The following LRP2 variants were observed in gnomAD, a reference collection of about 807,000 sequenced individuals.
The protein encoded by LRP2 is low-density lipoprotein receptor-related protein 2.
Under a neutral mutation model 531.0 loss-of-function variants are expected in LRP2, and 172 were observed. The observed-to-expected ratio is 0.32, with a 90% confidence interval of 0.29 to 0.37. LRP2 has a LOEUF of 0.37. LRP2 is among the 10% of genes least tolerant of loss of function. LRP2 has a pLI of 1.00. For synonymous variants in LRP2, 1,992 were observed against 2,027.6 expected, an observed-to-expected ratio of 0.98 and a Z score of 0.47; for missense variants, 5,167 against 5,868.3, an observed-to-expected ratio of 0.88 and a Z score of 3.90.
intron 18 of LRP2, 71 bp from the exon 19 acceptor site, chr2:169,256,307 CA>C: frequency 1.6e-6 from 2 of 1,279,638 alleles, no homozygotes; most frequent in Non-Finnish European, 2.3e-6. Flanking sequence ...AAAGGGCATC[CA>C]AAAACAGTAG....
chr2:169,328,091 G>A (rs1405707103), intron 1 of LRP2, among the ~76,000 whole-genome samples: 6 of 141,554 alleles, frequency 4.2e-5, no homozygotes, highest in African/African-American at 1.1e-4. Context: ...CCAGCCAGCC[G>A]CCCTGTCCAG....
At chr2:169,294,302 T>C (rs1684079827) in intron 5 of LRP2, 41 bp from the exon 6 acceptor site, 1 of 1,180,566 alleles carries the variant, frequency 8.5e-7, no homozygotes, top group Admixed American at 1.7e-5. Context: ...AGAGAGAAGT[T>C]AACTCCATTG....
rs1196042206 is a variant in LRP2, at chr2:169,247,432, T to A, written c.2854A>T (p.Ser952Cys). The change falls in exon 20 of 79, where the codon AGT (serine) becomes TGT (cysteine). Residue 952 changes from serine (S) to cysteine (C), a missense_variant. By Grantham distance (112) the Ser-to-Cys change is moderately radical. Around this residue, in one of 6 missense-constraint regions of LRP2, gnomAD observed 2,811 missense variants for 3,058.0 expected, o/e 0.92. Transcript: ENST00000649046. ...ADGGEMTVIR[S>C]GIAYILHLKS... ...AAATGCAGTATGTAAGCAATGCCAC[T>A]TCGGATAACTGTCATTTCTCCACCA... 2 of 1,614,148 alleles carry A rather than the reference T, an allele frequency of 1.2e-6. No individual in the cohort carries two copies. Among genetic ancestry groups the A allele is most frequent in the Non-Finnish European group, 1.7e-6 (2 of 1,179,996 alleles).
intron 63 of LRP2, 98 bp downstream of exon 63, chr2:169,162,374 G>A (rs1686620324): frequency 7.9e-6 from 11 of 1,388,516 alleles, no homozygotes; most frequent in Non-Finnish European, 1.0e-5. Context: ...AGTACATTAA[G>A]GAGAAAATGT....
chr2:169,315,959 C>CCAAAAAA (rs1553513420), intron 3 of LRP2, among the ~76,000 whole-genome samples: 2 of 73,748 alleles, frequency 2.7e-5, no homozygotes, highest in East Asian at 3.7e-4. Context: ...CCCATCTCTA[C>CCAAAAAA]AAAAAAAAAA....
chr2:169,308,619 T>C (rs747002477), intron 3 of LRP2, among the ~76,000 whole-genome samples: 11 of 152,190 alleles, frequency 7.2e-5, no homozygotes, highest in Non-Finnish European at 1.2e-4. Context: ...ATCCAGTGTA[T>C]CATTGATGGA....
At chr2:169,153,050 C>T (rs1476740672) in intron 66 of LRP2, 86 bp from the exon 67 acceptor site, 27 of 1,185,476 alleles carry the variant, frequency 2.3e-5, no homozygotes, top group African/African-American at 9.0e-5. Context: ...AAGTACTGTT[C>T]GTTTATTGAC....
chr2:169,304,320 G>A (rs549828272), intron 4 of LRP2, among the ~76,000 whole-genome samples: 1 of 152,140 alleles, frequency 6.6e-6, no homozygotes, highest in South Asian at 2.1e-4. Flanking sequence ...ACCAGACTTG[G>A]AACTAGAAGA....
chr2:169,349,878 A>G (rs1685798847), intron 1 of LRP2, among the ~76,000 whole-genome samples: 1 of 152,132 alleles, frequency 6.6e-6, no homozygotes, highest in Non-Finnish European at 1.5e-5. Context: ...GCTCCATCTC[A>G]GTGTCTGTTT....
chr2:169,333,501 G>A (rs549172933), intron 1 of LRP2, among the ~76,000 whole-genome samples: 12 of 110,370 alleles, frequency 1.1e-4, no homozygotes, highest in Non-Finnish European at 1.7e-4. Flanking sequence ...AGGAAGGAAC[G>A]AAGGAAGGAA....
rs1689171842 is a variant in LRP2 at position 169,225,521 on chromosome 2, C to T, written c.5395-68G>A. The stretch of plus-strand genomic sequence containing the variant: ...GGCTCCTACAAAAGAACCCTTTCTT[C>T]ACTGTGGCTACTGCCAGCTGCTGTA... On this transcript the variant is annotated intron_variant, in intron 32 of 78. Coordinates refer to ENST00000649046, the MANE Select transcript of LRP2 (RefSeq NM_004525.3). The T allele has an allele frequency of 3.8e-6, 6 of 1,568,584 alleles. No homozygotes were observed. In the East Asian group the frequency reaches 1.3e-4, roughly 35 times the overall value.
chr2:169,198,977 CG>C, intron 44 of LRP2, 66 bp from the exon 45 acceptor site: 1 of 1,528,092 alleles, frequency 6.5e-7, no homozygotes, highest in Non-Finnish European at 9.0e-7. Context: ...GAACAGTATC[CG>C]TGCTAACACA....
intron 1 of LRP2, among the ~76,000 whole-genome samples, chr2:169,338,384 G>GAAAA (rs1184023990): frequency 8.4e-6 from 1 of 119,058 alleles, no homozygotes; most frequent in Non-Finnish European, 1.7e-5. Context: ...AAGAAAGAAA[G>GAAAA]AAAGAAAGAA....
chr2:169,235,603 C>A (rs187458883), intron 29 of LRP2, among the ~76,000 whole-genome samples: 1 of 152,106 alleles, frequency 6.6e-6, no homozygotes, highest in Non-Finnish European at 1.5e-5. Flanking sequence ...CTAAATCACA[C>A]GAGCTATAAA....
chr2:169,309,128 T>C (rs1042953787), intron 3 of LRP2, among the ~76,000 whole-genome samples: 26 of 152,338 alleles, frequency 1.7e-4, no homozygotes, highest in African/African-American at 5.8e-4. Flanking sequence ...TATCAGCCCT[T>C]TGTCAGATGG....
chr2:169,242,970 T>C lies in LRP2; in HGVS notation c.3653A>G (p.Asp1218Gly). 5 of 1,613,600 alleles carry C rather than the reference T, an allele frequency of 3.1e-6. No individual in the cohort carries two copies. Among genetic ancestry groups the C allele is most frequent in the Non-Finnish European group, 4.2e-6 (5 of 1,179,570 alleles). The part of the protein sequence containing the change: ...DGVFDCSDNS[D>G]EAGCPTRPPG... ...GTGTTACTTACGACAGCCTGCTTCATCCGAGTTGTCACTGCAATCAAAAAC... is the reference window on the plus strand; with the variant it reads ...GTGTTACTTACGACAGCCTGCTTCACCCGAGTTGTCACTGCAATCAAAAAC... The change falls in exon 24 of 79, where the codon GAT becomes GGT. Residue 1218 changes from aspartate to glycine, a missense_variant. Asp to Gly is a moderately conservative substitution (Grantham distance 94, BLOSUM62 -1). Coordinates refer to ENST00000649046, the MANE Select transcript of LRP2 (RefSeq NM_004525.3).
At chr2:169,297,814 C>T (rs1390051924) in intron 4 of LRP2, among the ~76,000 whole-genome samples, 2 of 152,076 alleles carry the variant, frequency 1.3e-5, no homozygotes, top group African/African-American at 4.8e-5. Context: ...GAGTAAGATA[C>T]AAATATAAGG....
rs1255278094 is a variant in LRP2, at chr2:169,240,988, T to C, written c.4045A>G (p.Asn1349Asp). Residue 1349 changes from asparagine to aspartate, a missense_variant and splice_region_variant, in exon 25 of 79, where the codon AAT (asparagine) becomes GAT (aspartate). Around this residue, in one of 6 missense-constraint regions of LRP2, gnomAD observed 2,811 missense variants for 3,058.0 expected, o/e 0.92. Transcript: ENST00000649046. The stretch of plus-strand genomic sequence containing the variant: ...AGTAAACTGTGGTCAGGAAACTTAC[T>C]GCAAAGTGGGGACTCATCTGTCCCA... ...PNGTDESPLC[N>D]GNSCSDFNGG... 2 of 1,612,064 alleles carry C rather than the reference T, an allele frequency of 1.2e-6. No homozygotes were observed. The highest frequency in any genetic ancestry group is 1.7e-6 in the Non-Finnish European group (2 of 1,180,038).
At chr2:169,130,162 A>G (rs913325081) in intron 77 of LRP2, among the ~76,000 whole-genome samples, 1 of 152,240 alleles carries the variant, frequency 6.6e-6, no homozygotes, top group Non-Finnish European at 1.5e-5. Flanking sequence ...ATTGCTTCAA[A>G]ATGAAATGGC....
Sources: allele counts gnomAD v4.1 joint callset (sites outside exome capture counted in the v4.1 genomes callset), GRCh38; gene constraint gnomAD v4.1.1; regional missense constraint gnomAD v4.1.1; transcripts MANE v1.5; gene names NCBI Gene and HGNC (gene_info 2026-07-23, HGNC 2026-07-21).